Variants in CPQ observed in about 807,000 individuals in gnomAD.
CPQ encodes the protein carboxypeptidase Q, also known as Ser-Met dipeptidase.
CPQ carries 37 observed loss-of-function variants against 45.7 expected under a neutral mutation model. The observed-to-expected ratio is 0.81, with a 90% CI of 0.62 to 1.07. The LOEUF is 1.07. CPQ is among the 50% of genes least tolerant of loss of function. The probability of loss-of-function intolerance (pLI) is 0.00; values close to 1 mark genes in which losing one functional copy is unlikely to be tolerated. For synonymous variants in CPQ, 186 were observed against 205.8 expected, an observed-to-expected ratio of 0.90 and a Z score of 0.82; for missense variants, 537 against 572.9, an observed-to-expected ratio of 0.94 and a Z score of 0.64.
intron 1 of CPQ, among the ~76,000 whole-genome samples, chr8:96,665,233 CAG>C (rs896002702): frequency 1.3e-5 from 2 of 152,046 alleles, no homozygotes; most frequent in African/African-American, 4.8e-5. Context: ...AAGGAAAAAA[CAG>C]AGCAAGGGAG....
At chr8:97,042,620 T>C (rs879370841) in intron 6 of CPQ, among the ~76,000 whole-genome samples, 45 of 151,962 alleles carry the variant, frequency 3.0e-4, no homozygotes, top group Admixed American at 5.2e-4. Flanking sequence ...CTTGTGGGCA[T>C]TTAGTGCTAT....
intron 3 of CPQ, among the ~76,000 whole-genome samples, chr8:96,852,845 G>A (rs1560356): frequency 0.51 from 77,806 of 151,996 alleles, 20,417 homozygotes; most frequent in African/African-American, 0.61. Flanking sequence ...GGTTGACCCA[G>A]ATGGAAACTT....
At chr8:96,671,524 T>C (rs1171163352) in intron 1 of CPQ, among the ~76,000 whole-genome samples, 1 of 152,186 alleles carries the variant, frequency 6.6e-6, no homozygotes, top group East Asian at 1.9e-4. Flanking sequence ...GTCAAATCCA[T>C]GTGAATTATG....
intron 3 of CPQ, among the ~76,000 whole-genome samples, chr8:96,872,507 CTTAG>C (rs1022505066): frequency 8.6e-5 from 13 of 151,736 alleles, no homozygotes; most frequent in East Asian, 3.9e-4. Context: ...TTTAGATTTA[CTTAG>C]TTGGTAGGAA....
intron 1 of CPQ, among the ~76,000 whole-genome samples, chr8:96,773,795 T>C (rs1342467366): frequency 6.6e-6 from 1 of 152,150 alleles, no homozygotes; most frequent in East Asian, 1.9e-4. Context: ...ACCCTGTGGC[T>C]GCATCCTTTG....
At position 97,143,189 on chromosome 8, in the gene CPQ, G is replaced by GT; in HGVS notation, c.*7dup. ...AAATGCTGCCTAGGTCCTAGAAACA[G>GT]TAAGAAAGAAACGTTTTCATGCTTC... On this transcript the variant is annotated 3_prime_UTR_variant, in exon 8 of 8. Transcript: ENST00000220763. 1.9e-6 allele frequency: 3 copies of GT among 1,613,054 alleles called. No individual in the cohort carries two copies. The highest frequency in any genetic ancestry group is 2.5e-6 in the Non-Finnish European group (3 of 1,179,588).
chr8:96,799,064 T>C (rs1266579637), intron 2 of CPQ, among the ~76,000 whole-genome samples: 2 of 152,222 alleles, frequency 1.3e-5, no homozygotes, highest in Non-Finnish European at 2.9e-5. Context: ...CTCATAGGTC[T>C]TTTGTGTCCA....
intron 7 of CPQ, among the ~76,000 whole-genome samples, chr8:97,135,168 A>C (rs1167956019): frequency 6.6e-6 from 1 of 152,190 alleles, no homozygotes; most frequent in African/African-American, 2.4e-5. Context: ...GCGCACCTAA[A>C]ACTTTTTAGC....
chr8:97,012,764 C>T (rs1809512422), intron 5 of CPQ, among the ~76,000 whole-genome samples: 2 of 152,088 alleles, frequency 1.3e-5, no homozygotes, highest in African/African-American at 4.8e-5. Flanking sequence ...CCCCAAAAAG[C>T]AAAAGCTCTA....
chr8:96,922,212 G>A (rs1812818745), intron 4 of CPQ, among the ~76,000 whole-genome samples: 1 of 152,050 alleles, frequency 6.6e-6, no homozygotes, highest in Non-Finnish European at 1.5e-5. Context: ...GACCAGCATT[G>A]GAATTTGTTC....
At chr8:97,142,925 A>C in intron 7 of CPQ, 95 bp from the exon 8 acceptor site, 1 of 1,198,616 alleles carries the variant, frequency 8.3e-7, no homozygotes, top group South Asian at 1.4e-5. Flanking sequence ...TGCAGACTGT[A>C]TAATAGGAGC....
intron 6 of CPQ, among the ~76,000 whole-genome samples, chr8:97,037,920 G>A (rs1009733504): frequency 2.6e-5 from 4 of 151,956 alleles, no homozygotes; most frequent in South Asian, 2.1e-4. Context: ...TTGCTTTATC[G>A]CTCTTTAGAA....
At chr8:96,686,772 C>T (rs1372707190) in intron 1 of CPQ, among the ~76,000 whole-genome samples, 1 of 151,596 alleles carries the variant, frequency 6.6e-6, no homozygotes, top group Non-Finnish European at 1.5e-5. Context: ...TTAGGTGTTT[C>T]TTAAAAATTT....
At chr8:97,052,128 A>G (rs962230153) in intron 6 of CPQ, among the ~76,000 whole-genome samples, 2 of 152,156 alleles carry the variant, frequency 1.3e-5, no homozygotes, top group African/African-American at 2.4e-5. Context: ...ATTTTCTACC[A>G]TAGCTATTTT....
In CPQ at chr8:96,788,674, A is replaced by T. The variant is rs559700211; in HGVS notation, c.433+3344A>T. On this transcript the variant is annotated intron_variant, in intron 2 of 7. Coordinates refer to ENST00000220763, the MANE Select transcript of CPQ (RefSeq NM_016134.4). ...ATGTGTAGATTGAAGTTTTTCATCAAATTTGAGAAGTTTTCAGCTATCATT... is the reference window on the plus strand; with the variant it reads ...ATGTGTAGATTGAAGTTTTTCATCATATTTGAGAAGTTTTCAGCTATCATT... 2.6e-5 allele frequency among the ~76,000 whole-genome samples: 4 copies of T among 151,762 alleles called. No individual in the cohort carries two copies. In the East Asian group the frequency reaches 7.8e-4, roughly 30 times the overall value.
At chr8:97,073,573 C>G (rs899319705) in intron 7 of CPQ, among the ~76,000 whole-genome samples, 3 of 152,176 alleles carry the variant, frequency 2.0e-5, no homozygotes, top group Admixed American at 2.0e-4. Flanking sequence ...AATCCTCAAG[C>G]CCTCGTTTAA....
At chr8:97,136,787 G>C (rs1586558609) in intron 7 of CPQ, among the ~76,000 whole-genome samples, 1 of 152,302 alleles carries the variant, frequency 6.6e-6, no homozygotes, top group African/African-American at 2.4e-5. Context: ...CCTTCTGCCA[G>C]CTTTCCATTT....
intron 3 of CPQ, among the ~76,000 whole-genome samples, chr8:96,847,485 A>G (rs1192847638): frequency 6.6e-6 from 1 of 152,228 alleles, no homozygotes; most frequent in Non-Finnish European, 1.5e-5. Context: ...ATAAAGCATC[A>G]AAAATTTCAA....
intron 1 of CPQ, among the ~76,000 whole-genome samples, chr8:96,686,314 A>G (rs72682303): frequency 1.8e-3 from 273 of 152,180 alleles, no homozygotes; most frequent in Non-Finnish European, 2.8e-3. Flanking sequence ...TAAGCATGAC[A>G]TGCTGGCTTT....
Sources: allele counts gnomAD v4.1 joint callset (sites outside exome capture counted in the v4.1 genomes callset), GRCh38; gene constraint gnomAD v4.1.1; transcripts MANE v1.5; gene names NCBI Gene and HGNC (gene_info 2026-07-23, HGNC 2026-07-21).